FAM178B: variants seen among roughly 807,000 people sequenced by gnomAD.
FAM178B encodes protein FAM178B.
Under a neutral mutation model 91.7 loss-of-function variants are expected in FAM178B, and 82 were observed. The ratio of observed to expected loss-of-function variants is 0.89; its 90% confidence interval spans 0.75 to 1.07. FAM178B has a LOEUF of 1.07. FAM178B is among the 50% of genes least tolerant of loss of function. The pLI is 0.00. For missense variants in FAM178B, 769 were observed against 846.7 expected (o/e 0.91, Z 1.14); for synonymous variants, 368 against 359.4 (o/e 1.02, Z -0.27).
At chr2:96,928,171 G>A (rs2081478001) in intron 9 of FAM178B, among the ~76,000 whole-genome samples, 1 of 152,168 alleles carries the variant, frequency 6.6e-6, no homozygotes, top group Non-Finnish European at 1.5e-5. Context: ...CGAGGGAAGG[G>A]GGGCCTGGCA....
chr2:96,983,690 C>T (rs750450978), intron 1 of FAM178B, among the ~76,000 whole-genome samples: 10 of 152,098 alleles, frequency 6.6e-5, no homozygotes, highest in Non-Finnish European at 1.0e-4. Flanking sequence ...TAACAAAGCG[C>T]TGGGATTACA....
At chr2:96,984,910 C>G (rs2082404556) in intron 1 of FAM178B, among the ~76,000 whole-genome samples, 1 of 152,184 alleles carries the variant, frequency 6.6e-6, no homozygotes, top group African/African-American at 2.4e-5. Context: ...CCATGGCTGA[C>G]TCCTTCATCA....
At chr2:96,915,231 T>C (rs2153370348) in intron 12 of FAM178B, among the ~76,000 whole-genome samples, 1 of 151,788 alleles carries the variant, frequency 6.6e-6, no homozygotes, top group African/African-American at 2.4e-5. Flanking sequence ...TGTCTCAGCC[T>C]CCTGAATAGC....
chr2:96,916,744 C>T (rs1223307908), intron 12 of FAM178B, among the ~76,000 whole-genome samples: 2 of 152,206 alleles, frequency 1.3e-5, no homozygotes, highest in South Asian at 4.1e-4. Flanking sequence ...TGCAGTGCAT[C>T]CCATGAAGTC....
At chr2:96,888,291 A>G (rs2080577785) in intron 14 of FAM178B, among the ~76,000 whole-genome samples, 1 of 152,270 alleles carries the variant, frequency 6.6e-6, no homozygotes, top group South Asian at 2.1e-4. Context: ...CCTCAAAACC[A>G]GTCGGTTTCC....
At chr2:96,936,341 A>G (rs2081627226) in intron 8 of FAM178B, among the ~76,000 whole-genome samples, 1 of 150,700 alleles carries the variant, frequency 6.6e-6, no homozygotes, top group Non-Finnish European at 1.5e-5. Flanking sequence ...AGCTGGAACT[A>G]CAGGCGCCCG....
At chr2:96,920,401 A>G (rs1381548794) in intron 12 of FAM178B, among the ~76,000 whole-genome samples, 1 of 152,150 alleles carries the variant, frequency 6.6e-6, no homozygotes, top group Non-Finnish European at 1.5e-5. Flanking sequence ...GGAGATTGAG[A>G]CCATCCTGGC....
chr2:96,945,942 G>A (rs1370676324), intron 8 of FAM178B, among the ~76,000 whole-genome samples: 1 of 151,970 alleles, frequency 6.6e-6, no homozygotes, highest in Admixed American at 6.6e-5. Context: ...ATCCATCTCC[G>A]AACTCTTTTT....
intron 12 of FAM178B, among the ~76,000 whole-genome samples, chr2:96,909,411 A>G (rs879942279): frequency 1.1e-4 from 16 of 151,892 alleles, no homozygotes; most frequent in Non-Finnish European, 2.2e-4. Flanking sequence ...TCCAGGAGGG[A>G]GCTCTCCGCC....
At chr2:96,906,924 G>A (rs1396207257) in intron 12 of FAM178B, among the ~76,000 whole-genome samples, 1 of 152,226 alleles carries the variant, frequency 6.6e-6, no homozygotes, top group East Asian at 1.9e-4. Flanking sequence ...CTGCGCGGGA[G>A]CTCGTTTACT....
rs758525236 is a variant in FAM178B, at chr2:96,877,844, A to G, written c.2007+46T>C. 29 of 1,584,858 alleles carry G rather than the reference A, an allele frequency of 1.8e-5. 1 individual carries two copies. Among genetic ancestry groups the G allele is most frequent in the Admixed American group, 5.2e-5 (3 of 58,044 alleles). The stretch of plus-strand genomic sequence containing the variant: ...TGGTGGCTCTGGCCAGCCCTGCCTG[A>G]CCACTTCCCGCCCCTCCCAGGTCTG... On this transcript the variant is annotated intron_variant, in intron 16 of 16. Transcript: ENST00000490605.
At chr2:96,926,972 T>C (rs1444901058) in intron 9 of FAM178B, among the ~76,000 whole-genome samples, 1 of 152,142 alleles carries the variant, frequency 6.6e-6, no homozygotes, top group Admixed American at 6.5e-5. Flanking sequence ...TCCCTGGAAG[T>C]CAGCAGAAAA....
intron 14 of FAM178B, among the ~76,000 whole-genome samples, chr2:96,887,536 G>A (rs980374730): frequency 9.2e-5 from 14 of 152,222 alleles, no homozygotes; most frequent in Non-Finnish European, 1.6e-4. Flanking sequence ...GGCTCCGCAG[G>A]AAGGAGGGAC....
chr2:96,912,879 C>T, intron 12 of FAM178B, among the ~76,000 whole-genome samples: 1 of 152,164 alleles, frequency 6.6e-6, no homozygotes, highest in East Asian at 1.9e-4. Flanking sequence ...ACAGTGAGAG[C>T]TCTCTGTGAC....
At chr2:96,985,012 GAC>G (rs2082405776) in intron 1 of FAM178B, among the ~76,000 whole-genome samples, 2 of 152,166 alleles carry the variant, frequency 1.3e-5, no homozygotes, top group Non-Finnish European at 2.9e-5. Flanking sequence ...CACAAAGAAA[GAC>G]ACAAACTGTG....
chr2:96,932,295 T>C (rs1352367901), intron 8 of FAM178B, among the ~76,000 whole-genome samples: 2 of 152,200 alleles, frequency 1.3e-5, no homozygotes, highest in East Asian at 3.9e-4. Context: ...ACCCAGCAAC[T>C]GCTCCACAGC....
chr2:96,968,206 C>T (rs1443121711), intron 4 of FAM178B, among the ~76,000 whole-genome samples: 1 of 152,034 alleles, frequency 6.6e-6, no homozygotes, highest in Non-Finnish European at 1.5e-5. Context: ...CCTGACTCTG[C>T]AGCCACTTAG....
At chr2:96,926,850 G>T (rs1574260373) in intron 9 of FAM178B, among the ~76,000 whole-genome samples, 1 of 152,232 alleles carries the variant, frequency 6.6e-6, no homozygotes, top group Non-Finnish European at 1.5e-5. Flanking sequence ...CCCAGTTACG[G>T]TGGGGACATG....
rs1279438077 is a variant in FAM178B at position 96,893,958 on chromosome 2, G to C, written c.1744C>G (p.Gln582Glu). The C allele has an allele frequency of 6.2e-7, 1 of 1,612,994 alleles. No homozygotes were observed. Among genetic ancestry groups the C allele is most frequent in the Admixed American group, 1.7e-5 (1 of 59,990 alleles). Residue 582 changes from glutamine to glutamate, a missense_variant, in exon 14 of 17, where the codon CAG (glutamine) becomes GAG (glutamate). By Grantham distance (29) the Gln-to-Glu change is conservative. Coordinates refer to ENST00000490605, the MANE Select transcript of FAM178B (RefSeq NM_001122646.3). ...TCTAGCTCGGCACTAGCCTTTGGCT[G>C]TTGCTCCTGGCAGGGTGGCAAGGGC... ...SVPLPPCQEQ[Q>E]PKASAELDHK...
Sources: gnomAD v4.1 joint callset for allele counts (sites outside exome capture counted in the v4.1 genomes callset) on GRCh38, gnomAD v4.1.1 for gene constraint, MANE v1.5 for transcripts, NCBI Gene and HGNC (gene_info 2026-07-23, HGNC 2026-07-21) for gene names.